UNC5D: variants seen among roughly 807,000 people sequenced by gnomAD.
The protein encoded by UNC5D is unc-5 netrin receptor D.
UNC5D carries 39 observed loss-of-function variants against 105.4 expected under a neutral mutation model. That is an observed-to-expected ratio of 0.37 (90% CI 0.29 to 0.48). The LOEUF (loss-of-function observed/expected upper bound fraction) is 0.48, where lower values mean the gene tolerates loss of function less well. Among genes scored for constraint, UNC5D ranks in the 20% least tolerant of loss-of-function variants. UNC5D has a pLI of 0.98. For missense variants in UNC5D, 991 were observed against 1,202.4 expected (o/e 0.82, Z 2.60); for synonymous variants, 452 against 450.4 (o/e 1.00, Z -0.04).
intron 4 of UNC5D, among the ~76,000 whole-genome samples, chr8:35,666,629 C>T (rs1466656007): frequency 1.3e-5 from 2 of 151,982 alleles, no homozygotes; most frequent in African/African-American, 2.4e-5. Flanking sequence ...ATTGACCAGG[C>T]TGATTAAGAT....
intron 4 of UNC5D, among the ~76,000 whole-genome samples, chr8:35,638,356 A>G (rs765442915): frequency 2.0e-5 from 3 of 152,220 alleles, no homozygotes; most frequent in Non-Finnish European, 2.9e-5. Context: ...TAATGCCTAC[A>G]GAAGTATCTG....
intron 4 of UNC5D, among the ~76,000 whole-genome samples, chr8:35,651,693 C>G (rs1161406228): frequency 6.6e-6 from 1 of 152,136 alleles, no homozygotes. Context: ...CTTTTTTAAC[C>G]TTTCACTATA....
At chr8:35,313,363 G>C (rs554994673) in intron 1 of UNC5D, among the ~76,000 whole-genome samples, 1 of 152,098 alleles carries the variant, frequency 6.6e-6, no homozygotes, top group African/African-American at 2.4e-5. Flanking sequence ...GCTACAGAAA[G>C]CATTTGAACA....
intron 3 of UNC5D, among the ~76,000 whole-genome samples, chr8:35,577,752 T>G (rs976350771): frequency 6.6e-6 from 1 of 152,178 alleles, no homozygotes; most frequent in African/African-American, 2.4e-5. Flanking sequence ...CACAAGATAC[T>G]TATTAATTAC....
chr8:35,269,598 C>G (rs1038338193), intron 1 of UNC5D, among the ~76,000 whole-genome samples: 6 of 152,138 alleles, frequency 3.9e-5, no homozygotes, highest in African/African-American at 1.4e-4. Flanking sequence ...AGGCCATTAA[C>G]CATATTGGGT....
At chr8:35,300,965 G>C (rs1428216778) in intron 1 of UNC5D, among the ~76,000 whole-genome samples, 1 of 152,188 alleles carries the variant, frequency 6.6e-6, no homozygotes, top group Admixed American at 6.5e-5. Context: ...ATACAGATGT[G>C]TGTGTATGTT....
intron 1 of UNC5D, among the ~76,000 whole-genome samples, chr8:35,476,870 G>A (rs1034126147): frequency 6.6e-6 from 1 of 152,290 alleles, no homozygotes; most frequent in Non-Finnish European, 1.5e-5. Flanking sequence ...CTTGGACGTT[G>A]TACTGTGATG....
At chr8:35,705,188 T>G (rs1267056933) in intron 7 of UNC5D, among the ~76,000 whole-genome samples, 2 of 152,032 alleles carry the variant, frequency 1.3e-5, no homozygotes, top group African/African-American at 2.4e-5. Context: ...ATGGTCTCGA[T>G]CTCCTGACCT....
intron 4 of UNC5D, among the ~76,000 whole-genome samples, chr8:35,629,828 A>C (rs1213890268): frequency 1.3e-5 from 2 of 152,198 alleles, no homozygotes; most frequent in Non-Finnish European, 2.9e-5. Flanking sequence ...TTACAATCTT[A>C]AATTATCCCC....
chr8:35,450,826 T>C (rs1368771395), intron 1 of UNC5D, among the ~76,000 whole-genome samples: 1 of 152,166 alleles, frequency 6.6e-6, no homozygotes, highest in Non-Finnish European at 1.5e-5. Flanking sequence ...AGAAATTAGA[T>C]AAGATATTCA....
intron 11 of UNC5D, among the ~76,000 whole-genome samples, chr8:35,738,014 G>A (rs113653431): frequency 1.3e-5 from 2 of 152,176 alleles, no homozygotes; most frequent in African/African-American, 4.8e-5. Flanking sequence ...GCTGAGGCAG[G>A]AGAATCGCTT....
At chr8:35,264,425 C>A (rs1385729262) in intron 1 of UNC5D, among the ~76,000 whole-genome samples, 3 of 152,134 alleles carry the variant, frequency 2.0e-5, no homozygotes, top group African/African-American at 7.2e-5. Context: ...TGGCCAACAT[C>A]TTTTAATCTA....
chr8:35,353,357 A>G (rs913839688), intron 1 of UNC5D, among the ~76,000 whole-genome samples: 14 of 152,196 alleles, frequency 9.2e-5, no homozygotes, highest in Admixed American at 1.3e-4. Flanking sequence ...CTGAAATGCC[A>G]ATTTGTCACC....
intron 1 of UNC5D, among the ~76,000 whole-genome samples, chr8:35,418,475 C>A (rs995186695): frequency 1.3e-5 from 2 of 152,142 alleles, no homozygotes; most frequent in Admixed American, 6.6e-5. Flanking sequence ...CCTGTTGCAA[C>A]CCCTCTTTTC....
intron 16 of UNC5D, among the ~76,000 whole-genome samples, chr8:35,788,558 C>T (rs1055206580): frequency 6.6e-5 from 10 of 152,056 alleles, no homozygotes; most frequent in African/African-American, 2.4e-4. Context: ...CTGTAGGAAT[C>T]AATTACTTGG....
intron 7 of UNC5D, among the ~76,000 whole-genome samples, chr8:35,704,924 C>T (rs1459173356): frequency 3.3e-5 from 5 of 150,448 alleles, no homozygotes; most frequent in Admixed American, 1.3e-4. Context: ...GAAAATTCCT[C>T]AGCTGAGCTC....
At position 35,235,733 on chromosome 8, in the gene UNC5D, C is replaced by T. The variant is rs1454357346; in HGVS notation, c.-52C>T. ...CGGGACCCTCATCGCCGACCCTTTCCCGGGCTCCCGGAGCGTGAAGAAGAG... is the reference window on the plus strand; with the variant it reads ...CGGGACCCTCATCGCCGACCCTTTCTCGGGCTCCCGGAGCGTGAAGAAGAG... On this transcript the variant is annotated 5_prime_UTR_variant, in exon 1 of 17. Transcript: ENST00000404895. 1 of 1,217,564 alleles carries T rather than the reference C, an allele frequency of 8.2e-7. No homozygotes were observed. The highest frequency in any genetic ancestry group is 2.2e-4 in the Middle Eastern group (1 of 4,508). 75.4% of individuals were successfully genotyped at this position (1,217,564 alleles called of 1,614,324 possible). A position where few individuals can be genotyped will look rare whatever the true frequency, so the allele number is the denominator to read the frequency against.
At chr8:35,457,817 G>C (rs941516687) in intron 1 of UNC5D, among the ~76,000 whole-genome samples, 1 of 152,138 alleles carries the variant, frequency 6.6e-6, no homozygotes, top group Admixed American at 6.6e-5. Context: ...CATGTTCCCA[G>C]TGGTTATCCC....
At chr8:35,332,637 C>A (rs1479172663) in intron 1 of UNC5D, among the ~76,000 whole-genome samples, 2 of 152,174 alleles carry the variant, frequency 1.3e-5, no homozygotes, top group Admixed American at 6.5e-5. Context: ...AACCAACTAT[C>A]AATTTTATAG....
Sources: gnomAD v4.1 joint callset for allele counts (sites outside exome capture counted in the v4.1 genomes callset) on GRCh38, gnomAD v4.1.1 for gene constraint, MANE v1.5 for transcripts, NCBI Gene and HGNC (gene_info 2026-07-23, HGNC 2026-07-21) for gene names.